The following ZNF609 variants were observed in gnomAD, a reference collection of about 807,000 sequenced individuals.
The protein encoded by ZNF609 is zinc finger protein 609.
A neutral mutation model predicts 109.5 loss-of-function variants in ZNF609; 11 were observed. The observed-to-expected ratio is 0.10, with a 90% CI of 0.06 to 0.17. The LOEUF is 0.17. ZNF609 is among the 10% of genes least tolerant of loss of function. The pLI is 1.00. For missense variants in ZNF609, 1,559 were observed against 1,772.4 expected (o/e 0.88, Z 2.16); for synonymous variants, 646 against 662.0 (o/e 0.98, Z 0.37).
At chr15:64,554,912 C>CA (rs898247251) in intron 2 of ZNF609, among the ~76,000 whole-genome samples, 5 of 151,950 alleles carry the variant, frequency 3.3e-5, no homozygotes, top group Non-Finnish European at 5.9e-5. Flanking sequence ...GCCTGGCCAA[C>CA]ATGCTGAAAC....
chr15:64,567,104 T>G (rs1007139406), intron 2 of ZNF609, among the ~76,000 whole-genome samples: 1 of 152,196 alleles, frequency 6.6e-6, no homozygotes, highest in Non-Finnish European at 1.5e-5. Context: ...AGAAAATATT[T>G]ATAAACAGAC....
At chr15:64,536,599 G>A (rs977515199) in intron 2 of ZNF609, among the ~76,000 whole-genome samples, 9 of 151,984 alleles carry the variant, frequency 5.9e-5, no homozygotes, top group African/African-American at 1.9e-4. Flanking sequence ...AGAACTGGCC[G>A]GGCTCAGTGG....
chr15:64,677,393 TGACAGGAAAGGCCCA>T (rs1012070206), intron 5 of ZNF609, among the ~76,000 whole-genome samples: 5 of 152,180 alleles, frequency 3.3e-5, no homozygotes, highest in African/African-American at 1.2e-4. Flanking sequence ...TTTTTCCATT[TGACAGGAAAGGCCCA>T]GACAAGTTAG....
intron 1 of ZNF609, among the ~76,000 whole-genome samples, chr15:64,473,329 G>C (rs962940645): frequency 6.7e-6 from 1 of 149,768 alleles, no homozygotes; most frequent in Non-Finnish European, 1.5e-5. Context: ...CTCCCAAGTA[G>C]CTGGGATTAC....
intron 3 of ZNF609, among the ~76,000 whole-genome samples, chr15:64,646,842 AG>A (rs1896342859): frequency 6.8e-6 from 1 of 146,998 alleles, no homozygotes; most frequent in Non-Finnish European, 1.5e-5. Context: ...CGGGAGGCTG[AG>A]GCAGGAGAAT....
chr15:64,562,313 T>C (rs1852581921), intron 2 of ZNF609, among the ~76,000 whole-genome samples: 1 of 152,236 alleles, frequency 6.6e-6, no homozygotes, highest in African/African-American at 2.4e-5. Context: ...AAGTAGACTA[T>C]GCTAGGCAAC....
intron 2 of ZNF609, among the ~76,000 whole-genome samples, chr15:64,607,816 C>CT (rs1296950758): frequency 1.0e-5 from 1 of 98,906 alleles, no homozygotes; most frequent in African/African-American, 4.6e-5. Flanking sequence ...TAAATGTTTT[C>CT]TTCTTTCTTT....
intron 2 of ZNF609, among the ~76,000 whole-genome samples, chr15:64,503,298 T>C (rs1893587926): frequency 1.3e-5 from 2 of 152,182 alleles, no homozygotes; most frequent in South Asian, 4.1e-4. Context: ...TGAATTGTTA[T>C]TGAACACTTC....
chr15:64,680,558 C>A, intron 7 of ZNF609, 88 bp from the exon 8 acceptor site: 1 of 1,296,572 alleles, frequency 7.7e-7, no homozygotes, highest in Non-Finnish European at 1.1e-6. Flanking sequence ...CTGGGCATCT[C>A]ACTTGTGTGT....
intron 2 of ZNF609, among the ~76,000 whole-genome samples, chr15:64,619,812 T>C (rs1314056691): frequency 6.6e-6 from 1 of 152,200 alleles, no homozygotes; most frequent in Non-Finnish European, 1.5e-5. Context: ...CAGGGTATAA[T>C]TTGGCAGACT....
chr15:64,619,247 G>A lies in ZNF609; in HGVS notation c.748-3580G>A, dbSNP rs1244773748. ...ACTCCTGGACTCAAGCACTCCTCCT[G>A]CCTTGGCCTCCCAAAGTGCTGGGAC... is the stretch of plus-strand genomic sequence containing the variant. On this transcript the variant is annotated intron_variant, in intron 2 of 9. Transcript: ENST00000326648. Among the ~76,000 whole-genome samples, 45 of 152,122 alleles carry A rather than the reference G, an allele frequency of 3.0e-4. 1 individual carries two copies. The highest frequency in any genetic ancestry group is 5.3e-4 in the Non-Finnish European group (36 of 68,036).
At chr15:64,668,505 C>T (rs1440262324) in intron 3 of ZNF609, among the ~76,000 whole-genome samples, 1 of 152,206 alleles carries the variant, frequency 6.6e-6, no homozygotes, top group Non-Finnish European at 1.5e-5. Flanking sequence ...GTGGCTCACA[C>T]CTATAATCCC....
rs1893527259 is a variant in ZNF609, at chr15:64,499,440, C to T, written c.21C>T (p.Ala7=). 1.2e-6 allele frequency: 2 copies of T among 1,613,718 alleles called. No homozygotes were observed. Among genetic ancestry groups the T allele is most frequent in the Non-Finnish European group, 1.7e-6 (2 of 1,179,888 alleles). ...CTAAGATGTCCTTGAGCAGTGGAGC[C>T]TCCGGAGGGAAAGGAGTGGATGCAA... is the stretch of plus-strand genomic sequence containing the variant. MSLSSG[A]SGGKGVDANP... Residue 7 remains alanine (A), a synonymous_variant, in exon 2 of 10, where the codon GCC becomes GCT. Coordinates refer to ENST00000326648, the MANE Select transcript of ZNF609 (RefSeq NM_015042.2).
At chr15:64,652,269 C>G (rs904443011) in intron 3 of ZNF609, among the ~76,000 whole-genome samples, 1 of 152,120 alleles carries the variant, frequency 6.6e-6, no homozygotes, top group African/African-American at 2.4e-5. Flanking sequence ...AGTGATCTGC[C>G]CACCTCGGCC....
chr15:64,571,882 G>T (rs933426469), intron 2 of ZNF609, among the ~76,000 whole-genome samples: 1 of 152,128 alleles, frequency 6.6e-6, no homozygotes, highest in Non-Finnish European at 1.5e-5. Context: ...ATGTTGGTCA[G>T]GCTGGTCTCA....
At position 64,670,395 on chromosome 15, in the gene ZNF609, A is replaced by G. The variant is rs376423543; in HGVS notation, c.1023A>G (p.Thr341=). 22 of 1,613,958 alleles carry G rather than the reference A, an allele frequency of 1.4e-5. No homozygotes were observed. The highest frequency in any genetic ancestry group is 1.5e-5 in the Non-Finnish European group (18 of 1,180,004). The change falls in exon 4 of 10, where the codon ACA becomes ACG. Residue 341 remains threonine (T), a synonymous_variant. Transcript: ENST00000326648. The part of the protein sequence containing the change: ...VTWRNKTYVG[T]LLDCTRHDWA... ...GGAGGAACAAGACATATGTAGGTAC[A>G]CTCCTTGACTGCACACGACATGATT...
chr15:64,644,987 TTC>T (rs1426471113), intron 3 of ZNF609, among the ~76,000 whole-genome samples: 4 of 148,068 alleles, frequency 2.7e-5, no homozygotes, highest in African/African-American at 7.6e-5. Context: ...TTCTTTTTCT[TTC>T]TTTCTTTCTT....
chr15:64,486,241 C>T (rs1254272664), intron 1 of ZNF609, among the ~76,000 whole-genome samples: 2 of 152,106 alleles, frequency 1.3e-5, no homozygotes, highest in Non-Finnish European at 2.9e-5. Context: ...TTTATTTTAT[C>T]GGCCAGGCAC....
chr15:64,525,789 CTT>C (rs113673431), intron 2 of ZNF609, among the ~76,000 whole-genome samples: 1 of 144,760 alleles, frequency 6.9e-6, no homozygotes, highest in African/African-American at 2.5e-5. Context: ...TGCCCTTTTT[CTT>C]TTTTTTTTTT....
Sources: allele counts gnomAD v4.1 joint callset (sites outside exome capture counted in the v4.1 genomes callset), GRCh38; gene constraint gnomAD v4.1.1; transcripts MANE v1.5; gene names NCBI Gene and HGNC (gene_info 2026-07-23, HGNC 2026-07-21).